The following PTPRG variants were observed in gnomAD, a reference collection of about 807,000 sequenced individuals.
The protein encoded by PTPRG is protein tyrosine phosphatase receptor type G.
PTPRG carries 102 observed loss-of-function variants against 165.3 expected under a neutral mutation model. The observed-to-expected ratio is 0.62, with a 90% confidence interval of 0.53 to 0.73. The LOEUF (loss-of-function observed/expected upper bound fraction) is 0.73. PTPRG is among the 30% of genes least tolerant of loss of function. The pLI, the probability that PTPRG is intolerant of heterozygous loss-of-function variation, is 0.00. For synonymous variants in PTPRG, 675 were observed against 669.5 expected (o/e 1.01, Z -0.13); for missense variants, 1,866 against 1,861.4 (o/e 1.00, Z -0.05).
At chr3:62,238,350 G>A (rs1452237815) in intron 14 of PTPRG, among the ~76,000 whole-genome samples, 1 of 152,052 alleles carries the variant, frequency 6.6e-6, no homozygotes, top group Non-Finnish European at 1.5e-5. Context: ...TGATGGGGGT[G>A]GGCTTTAGAA....
chr3:61,858,660 C>T (rs2037179574), intron 2 of PTPRG, among the ~76,000 whole-genome samples: 1 of 151,998 alleles, frequency 6.6e-6, no homozygotes, highest in African/African-American at 2.4e-5. Flanking sequence ...ACTTAAGAAA[C>T]ACTATTATAA....
chr3:61,582,041 C>G (rs1280231150), intron 1 of PTPRG, among the ~76,000 whole-genome samples: 1 of 152,152 alleles, frequency 6.6e-6, no homozygotes, highest in Admixed American at 6.5e-5. Context: ...GATCTCCCCT[C>G]ATTGCAACCT....
At chr3:62,193,624 G>A (rs903489262) in intron 9 of PTPRG, among the ~76,000 whole-genome samples, 3 of 152,194 alleles carry the variant, frequency 2.0e-5, no homozygotes, top group Non-Finnish European at 2.9e-5. Context: ...CAAACCTGTG[G>A]GCAGGTGTTA....
chr3:61,753,706 G>A (rs1023697930), intron 2 of PTPRG: 33 of 407,172 alleles, frequency 8.1e-5, no homozygotes, highest in African/African-American at 3.0e-4. Context: ...CAATTCTCAC[G>A]CTTCAGCCTC....
intron 6 of PTPRG, among the ~76,000 whole-genome samples, chr3:62,145,468 G>T (rs1704083865): frequency 6.6e-6 from 1 of 152,146 alleles, no homozygotes; most frequent in Non-Finnish European, 1.5e-5. Flanking sequence ...CACCATCACT[G>T]CCCATGTAGT....
chr3:62,291,524 A>G (rs899174968), intron 28 of PTPRG, among the ~76,000 whole-genome samples: 3 of 152,116 alleles, frequency 2.0e-5, no homozygotes, highest in African/African-American at 7.2e-5. Context: ...GGTTACCTCT[A>G]AAGTTGGGGG....
intron 2 of PTPRG, among the ~76,000 whole-genome samples, chr3:61,982,541 G>C (rs1489537884): frequency 6.6e-6 from 1 of 152,066 alleles, no homozygotes; most frequent in Non-Finnish European, 1.5e-5. Flanking sequence ...CATATTCATG[G>C]TTTGCACTCT....
chr3:61,652,836 C>T (rs1702393486), intron 1 of PTPRG, among the ~76,000 whole-genome samples: 1 of 152,166 alleles, frequency 6.6e-6, no homozygotes, highest in South Asian at 2.1e-4. Context: ...TGCCTTCTGG[C>T]AAGTGGGGGA....
intron 10 of PTPRG, among the ~76,000 whole-genome samples, chr3:62,200,929 A>C (rs77121889): frequency 6.6e-6 from 1 of 152,356 alleles, no homozygotes; most frequent in East Asian, 1.9e-4. Flanking sequence ...AAAAAGGATA[A>C]GAAATCATGA....
At chr3:61,986,032 G>T (rs1434890762) in intron 2 of PTPRG, among the ~76,000 whole-genome samples, 1 of 151,134 alleles carries the variant, frequency 6.6e-6, no homozygotes, top group Non-Finnish European at 1.5e-5. Context: ...GGAATACTTA[G>T]CAAGAAGTCA....
rs1293051250 is a variant in PTPRG, at chr3:61,600,190, A to ATGTGTG, written c.85+37819_85+37820insGTGTGT. On this transcript the variant is annotated intron_variant, in intron 1 of 29. Coordinates refer to ENST00000474889, the MANE Select transcript of PTPRG (RefSeq NM_002841.4). ...AAAAAAAAAATATATATATATATAT[A>ATGTGTG]TATGTGTGTGTGTGTGTGTGTGTGT... 3.5e-4 allele frequency among the ~76,000 whole-genome samples: 41 copies of ATGTGTG among 118,608 alleles called. 1 individual carries two copies. The highest frequency in any genetic ancestry group is 3.3e-3 in the South Asian group (12 of 3,644). The allele number at this position is 118,608 out of a possible 152,430, so 77.8% of individuals were successfully genotyped here.
At chr3:61,655,924 A>G (rs1388806060) in intron 1 of PTPRG, among the ~76,000 whole-genome samples, 1 of 151,870 alleles carries the variant, frequency 6.6e-6, no homozygotes, top group Non-Finnish European at 1.5e-5. Flanking sequence ...AATTTACTTC[A>G]TGAAAGAGTC....
chr3:62,157,003 T>A, intron 6 of PTPRG, 64 bp from the exon 7 acceptor site: 1 of 1,432,454 alleles, frequency 7.0e-7, no homozygotes, highest in Non-Finnish European at 9.8e-7. Flanking sequence ...GTGTTGACTG[T>A]GTCTGCGGCT....
At chr3:61,673,843 A>G (rs1394898066) in intron 1 of PTPRG, among the ~76,000 whole-genome samples, 1 of 152,142 alleles carries the variant, frequency 6.6e-6, no homozygotes, top group East Asian at 1.9e-4. Flanking sequence ...TAGGAAATAG[A>G]AACTTGGCTT....
chr3:61,803,283 G>A (rs2035302217), intron 2 of PTPRG, among the ~76,000 whole-genome samples: 1 of 152,100 alleles, frequency 6.6e-6, no homozygotes, highest in Non-Finnish European at 1.5e-5. Flanking sequence ...CATTATCTCT[G>A]CAATAGCATC....
intron 28 of PTPRG, among the ~76,000 whole-genome samples, chr3:62,291,066 A>C (rs1383572657): frequency 6.6e-6 from 1 of 152,144 alleles, no homozygotes; most frequent in East Asian, 1.9e-4. Flanking sequence ...TTAGTAGAAA[A>C]GTGTTAATTA....
chr3:62,277,090 G>C (rs766278488), intron 25 of PTPRG, 42 bp downstream of exon 25: 1 of 1,527,010 alleles, frequency 6.5e-7, no homozygotes, highest in South Asian at 1.1e-5. Flanking sequence ...CAACTAAACT[G>C]AAAGGTGTTA....
intron 1 of PTPRG, among the ~76,000 whole-genome samples, chr3:61,565,489 T>C (rs527608670): frequency 8.8e-4 from 134 of 152,240 alleles, no homozygotes; most frequent in Non-Finnish European, 7.1e-4. Flanking sequence ...CTACACATAG[T>C]TCATTCAAAC....
At chr3:61,594,475 G>C (rs1700645611) in intron 1 of PTPRG, among the ~76,000 whole-genome samples, 1 of 151,954 alleles carries the variant, frequency 6.6e-6, no homozygotes, top group African/African-American at 2.4e-5. Flanking sequence ...AGAAGACAGT[G>C]ATTACAAATA....
Sources: allele counts gnomAD v4.1 joint callset (sites outside exome capture counted in the v4.1 genomes callset), GRCh38; gene constraint gnomAD v4.1.1; transcripts MANE v1.5; gene names NCBI Gene and HGNC (gene_info 2026-07-23, HGNC 2026-07-21).